The following ST6GALNAC5 variants were observed in gnomAD, a reference collection of about 807,000 sequenced individuals.
ST6GALNAC5 encodes the protein ST6 N-acetylgalactosaminide alpha-2,6-sialyltransferase 5.
ST6GALNAC5 carries 27 observed loss-of-function variants against 33.6 expected under a neutral mutation model. The observed-to-expected ratio is 0.80, with a 90% CI of 0.59 to 1.11. The LOEUF (loss-of-function observed/expected upper bound fraction) is 1.11. Ranked by LOEUF, ST6GALNAC5 falls within the 50% of genes least tolerant of loss-of-function variation. The probability of loss-of-function intolerance (pLI) is 0.00; values close to 1 mark genes in which losing one functional copy is unlikely to be tolerated. For synonymous variants in ST6GALNAC5, 194 were observed against 171.2 expected (o/e 1.13, Z -1.04); for missense variants, 428 against 454.0 (o/e 0.94, Z 0.52).
At chr1:76,935,062 T>C (rs189390635) in intron 2 of ST6GALNAC5, among the ~76,000 whole-genome samples, 1 of 152,232 alleles carries the variant, frequency 6.6e-6, no homozygotes, top group East Asian at 1.9e-4. Flanking sequence ...AACATTTTTA[T>C]TTATTTGTCA....
intron 2 of ST6GALNAC5, among the ~76,000 whole-genome samples, chr1:77,015,082 CACACAT>C (rs148155948): frequency 0.16 from 21,444 of 137,694 alleles, 1,740 homozygotes; most frequent in African/African-American, 0.27. Flanking sequence ...CACACACACA[CACACAT>C]GGAGCTTTAT....
chr1:77,009,560 C>G (rs1324536296), intron 2 of ST6GALNAC5, among the ~76,000 whole-genome samples: 1 of 152,060 alleles, frequency 6.6e-6, no homozygotes, highest in Non-Finnish European at 1.5e-5. Flanking sequence ...AACTTTTCAG[C>G]TGAGTTACAT....
intron 2 of ST6GALNAC5, among the ~76,000 whole-genome samples, chr1:76,873,812 G>C (rs1653565007): frequency 6.6e-6 from 1 of 152,206 alleles, no homozygotes; most frequent in South Asian, 2.1e-4. Context: ...ACAATGTGTA[G>C]TTCTGTAGCT....
intron 2 of ST6GALNAC5, among the ~76,000 whole-genome samples, chr1:76,974,773 C>A (rs55653508): frequency 2.8e-5 from 1 of 35,238 alleles, no homozygotes; most frequent in African/African-American, 1.3e-4. Flanking sequence ...TTCTTTCTTT[C>A]TTTTTTTTTT....
At chr1:77,043,429 A>C (rs1281327747) in intron 2 of ST6GALNAC5, among the ~76,000 whole-genome samples, 1 of 152,238 alleles carries the variant, frequency 6.6e-6, no homozygotes, top group Non-Finnish European at 1.5e-5. Context: ...TGTTCACTGC[A>C]GATGAGAGAA....
Position 76,890,078 on chromosome 1 carries a change from T to G in ST6GALNAC5, c.261+21336T>G, listed in dbSNP as rs568522777. ...TCTGGACTATATCTTTGGGAATTCT[T>G]CATGTCCTATATTGAAAATCCACTT... is the stretch of plus-strand genomic sequence containing the variant. On this transcript the variant is annotated intron_variant, in intron 2 of 4. Coordinates refer to ENST00000477717, the MANE Select transcript of ST6GALNAC5 (RefSeq NM_030965.3). Among the ~76,000 whole-genome samples, 21 of 152,238 alleles carry G rather than the reference T, an allele frequency of 1.4e-4. No homozygotes were observed. The East Asian group carries it at 3.5e-3, about 25-fold the overall frequency.
intron 2 of ST6GALNAC5, among the ~76,000 whole-genome samples, chr1:76,979,350 A>G (rs1390338956): frequency 6.6e-6 from 1 of 152,254 alleles, no homozygotes; most frequent in Non-Finnish European, 1.5e-5. Flanking sequence ...ATAAAGCAAC[A>G]GGTATCACAC....
chr1:77,034,154 TCAAGGTGTTGG>T (rs1651563829), intron 2 of ST6GALNAC5, among the ~76,000 whole-genome samples: 1 of 152,094 alleles, frequency 6.6e-6, no homozygotes. Flanking sequence ...AAGTATGAAA[TCAAGGTGTTGG>T]CACAGCGCTT....
chr1:76,895,679 G>A (rs1164275222), intron 2 of ST6GALNAC5, among the ~76,000 whole-genome samples: 1 of 152,208 alleles, frequency 6.6e-6, no homozygotes, highest in Non-Finnish European at 1.5e-5. Flanking sequence ...TATCAGCTGT[G>A]ATGGCTTGGA....
chr1:76,951,569 G>A (rs761717195), intron 2 of ST6GALNAC5, among the ~76,000 whole-genome samples: 4 of 151,970 alleles, frequency 2.6e-5, no homozygotes, highest in South Asian at 2.1e-4. Flanking sequence ...AACCACCGTG[G>A]CACGTGTATA....
At position 76,903,765 on chromosome 1, in the gene ST6GALNAC5, G is replaced by A. The variant is rs556565862; in HGVS notation, c.261+35023G>A. On this transcript the variant is annotated intron_variant, in intron 2 of 4. Coordinates refer to ENST00000477717, the MANE Select transcript of ST6GALNAC5 (RefSeq NM_030965.3). ...TAGTGATAGATGCTACAATAAGAAG[G>A]AAACTTGAAACCATGAAACTATTAA... is the stretch of plus-strand genomic sequence containing the variant. Among the ~76,000 whole-genome samples, 23 of 152,218 alleles carry A rather than the reference G, an allele frequency of 1.5e-4. No homozygotes were observed. In the Middle Eastern group the frequency reaches 0.01, roughly 68 times the overall value.
chr1:76,999,610 A>G (rs1390118042), intron 2 of ST6GALNAC5, among the ~76,000 whole-genome samples: 1 of 151,272 alleles, frequency 6.6e-6, no homozygotes, highest in Non-Finnish European at 1.5e-5. Flanking sequence ...ATCTAGCATT[A>G]GGTATATCTC....
chr1:76,880,751 C>T (rs1005721233), intron 2 of ST6GALNAC5, among the ~76,000 whole-genome samples: 1 of 152,192 alleles, frequency 6.6e-6, no homozygotes, highest in Non-Finnish European at 1.5e-5. Flanking sequence ...TTGGCACACA[C>T]ACACCCAGGA....
Position 77,029,864 on chromosome 1 carries a change from T to C in ST6GALNAC5, c.262-14340T>C, listed in dbSNP as rs370900333. ...ATTATTGTTGAAGGTTCCAAATTGATTTTATACTTTCCTACCTAAGTGAAC... is the reference window on the plus strand; with the variant it reads ...ATTATTGTTGAAGGTTCCAAATTGACTTTATACTTTCCTACCTAAGTGAAC... On this transcript the variant is annotated intron_variant, in intron 2 of 4. Transcript: ENST00000477717. Among the ~76,000 whole-genome samples, 21 of 152,332 alleles carry C rather than the reference T, an allele frequency of 1.4e-4. No homozygotes were observed. The East Asian group carries it at 3.5e-3, about 25-fold the overall frequency.
At chr1:77,049,721 G>A (rs1424752142) in intron 3 of ST6GALNAC5, among the ~76,000 whole-genome samples, 4 of 152,052 alleles carry the variant, frequency 2.6e-5, no homozygotes, top group African/African-American at 9.7e-5. Flanking sequence ...CCCTTCTTAC[G>A]GAAAGATATT....
At chr1:76,928,616 C>T (rs757414390) in intron 2 of ST6GALNAC5, among the ~76,000 whole-genome samples, 5 of 152,038 alleles carry the variant, frequency 3.3e-5, no homozygotes, top group South Asian at 2.1e-4. Context: ...GAGTTGGGTA[C>T]GTATTTGGAC....
At chr1:77,058,270 C>T (rs942098713) in intron 4 of ST6GALNAC5, among the ~76,000 whole-genome samples, 2 of 152,212 alleles carry the variant, frequency 1.3e-5, no homozygotes, top group Admixed American at 6.5e-5. Context: ...AATAGTAGCT[C>T]TCTGCTATAG....
At chr1:76,945,351 T>C (rs1208554589) in intron 2 of ST6GALNAC5, among the ~76,000 whole-genome samples, 3 of 150,396 alleles carry the variant, frequency 2.0e-5, no homozygotes, top group African/African-American at 7.3e-5. Flanking sequence ...AAATGCAAAA[T>C]AGTAGGAACG....
chr1:76,914,778 T>C (rs527907223), intron 2 of ST6GALNAC5, among the ~76,000 whole-genome samples: 1 of 152,300 alleles, frequency 6.6e-6, no homozygotes, highest in African/African-American at 2.4e-5. Flanking sequence ...GACATAGGCA[T>C]GGGCAAGGAC....
Sources: gnomAD v4.1 joint callset for allele counts (sites outside exome capture counted in the v4.1 genomes callset) on GRCh38, gnomAD v4.1.1 for gene constraint, MANE v1.5 for transcripts, NCBI Gene and HGNC (gene_info 2026-07-23, HGNC 2026-07-21) for gene names.